The following ZWILCH variants were observed in gnomAD, a reference collection of about 807,000 sequenced individuals.
ZWILCH encodes zwilch kinetochore protein, also known as protein zwilch homolog.
Under a neutral mutation model 79.9 loss-of-function variants are expected in ZWILCH, and 74 were observed. That is an observed-to-expected ratio of 0.93 (90% CI 0.77 to 1.12). ZWILCH has a LOEUF of 1.12. Among genes scored for constraint, ZWILCH ranks in the 50% most tolerant of loss-of-function variants. ZWILCH has a pLI of 0.00. For missense variants in ZWILCH, 694 were observed against 687.5 expected (o/e 1.01, Z -0.11); for synonymous variants, 241 against 228.2 (o/e 1.06, Z -0.51).
Position 66,546,627 on chromosome 15 carries a change from A to C in ZWILCH, c.1724A>C (p.Glu575Ala), listed in dbSNP as rs1216359366. The change falls in exon 18 of 19, where the codon GAA becomes GCA. Residue 575 changes from glutamate to alanine, a missense_variant. Transcript: ENST00000307897. The part of the protein sequence containing the change: ...SELTLNGSLE[E>A]RIFFTNMVTC... ...TTAACACTAAACGGTAGCCTGGAAG[A>C]AAGGATATTCTTTACTAACATGGTT... 6.2e-7 allele frequency: 1 copy of C among 1,609,572 alleles called. No individual in the cohort carries two copies. Among genetic ancestry groups the C allele is most frequent in the Non-Finnish European group, 8.5e-7 (1 of 1,178,090 alleles).
At position 66,515,647 on chromosome 15, in the gene ZWILCH, A is replaced by G. The variant is rs371133457; in HGVS notation, c.320+3A>G. 4.4e-6 allele frequency: 7 copies of G among 1,600,236 alleles called. No individual in the cohort carries two copies. The highest frequency in any genetic ancestry group is 6.0e-6 in the Non-Finnish European group (7 of 1,168,142). ...GCTTTACCAGTTGGGAAGGCAAGGT[A>G]GGTTTTCTCTTATGCTGAGTAGGGG... On this transcript the variant is annotated splice_donor_region_variant and intron_variant, in intron 4 of 18. Transcript: ENST00000307897.
chr15:66,522,482 T>C (rs932961842), intron 7 of ZWILCH, among the ~76,000 whole-genome samples: 3 of 151,308 alleles, frequency 2.0e-5, no homozygotes, highest in Non-Finnish European at 4.4e-5. Context: ...GGACTACAGG[T>C]GCATGCCACC....
intron 4 of ZWILCH, among the ~76,000 whole-genome samples, chr15:66,516,320 T>G (rs1016029407): frequency 1.3e-5 from 2 of 152,188 alleles, no homozygotes; most frequent in Admixed American, 1.3e-4. Flanking sequence ...TGTGTAGCTA[T>G]GTACAGTTCC....
At chr15:66,537,544 A>G (rs1165725578) in intron 16 of ZWILCH, among the ~76,000 whole-genome samples, 1 of 151,996 alleles carries the variant, frequency 6.6e-6, no homozygotes, top group African/African-American at 2.4e-5. Context: ...TACAAAAATT[A>G]GCTGGGCATG....
At chr15:66,508,239 A>C (rs1281048120) in intron 1 of ZWILCH, among the ~76,000 whole-genome samples, 2 of 152,208 alleles carry the variant, frequency 1.3e-5, no homozygotes, top group African/African-American at 4.8e-5. Context: ...TAGATTCACT[A>C]TTTTAAAACT....
intron 11 of ZWILCH, 116 bp downstream of exon 11, chr15:66,529,073 TTATC>T (rs1416046042): frequency 8.1e-6 from 6 of 744,088 alleles, no homozygotes; most frequent in African/African-American, 7.0e-5. Flanking sequence ...GTTCTTAACT[TTATC>T]TAATTCATTT....
At chr15:66,528,724 G>A (rs1489561370) in intron 10 of ZWILCH, 128 bp from the exon 11 acceptor site, 4 of 674,000 alleles carry the variant, frequency 5.9e-6, no homozygotes, top group Non-Finnish European at 7.5e-6. Flanking sequence ...GAATGAAGTT[G>A]TAGAAAATTC....
chr15:66,532,308 T>C lies in ZWILCH; in HGVS notation c.1217T>C (p.Met406Thr), dbSNP rs182841691. ...ATTCATCAGTCTTATCATGGAACCA[T>C]GGACACAGTTTCTCTCAGTGGGACT... ...KLIHQSYHGTMDTVSLSGTIP... is the reference protein window; with the variant it reads ...KLIHQSYHGTTDTVSLSGTIP... The change falls in exon 13 of 19, where the codon ATG becomes ACG. Residue 406 changes from methionine (M) to threonine (T), a missense_variant. Transcript: ENST00000307897. 5.6e-5 allele frequency: 91 copies of C among 1,612,834 alleles called. 1 individual carries two copies. The highest frequency in any genetic ancestry group is 7.0e-5 in the Non-Finnish European group (83 of 1,179,464).
In ZWILCH at chr15:66,537,708, A is replaced by G. The variant is rs142672384; in HGVS notation, c.1574+445A>G. 2.9e-4 allele frequency among the ~76,000 whole-genome samples: 44 copies of G among 151,856 alleles called. 1 individual carries two copies. The East Asian group carries it at 8.3e-3, about 29-fold the overall frequency. On this transcript the variant is annotated intron_variant, in intron 16 of 18. Transcript: ENST00000307897. The stretch of plus-strand genomic sequence containing the variant: ...CTCCGTCTCAAAAAATAATAATAAT[A>G]ATGATAATAAATAAGCATTTTAATT...
intron 4 of ZWILCH, among the ~76,000 whole-genome samples, chr15:66,518,640 C>G (rs1405809061): frequency 6.6e-6 from 1 of 152,198 alleles, no homozygotes; most frequent in East Asian, 1.9e-4. Context: ...CTGCAAGACT[C>G]TGTCTCTACA....
rs185180733 is a variant in ZWILCH at position 66,529,393 on chromosome 15, A to G, written c.1076-101A>G. ...CCCTTTCCCCTGCTTGCAAAGTACA[A>G]ATTCTTGCTTTCTACTTCATTTGTG... On this transcript the variant is annotated intron_variant, in intron 11 of 18. Coordinates refer to ENST00000307897, the MANE Select transcript of ZWILCH (RefSeq NM_017975.5). The G allele has an allele frequency of 1.4e-4, 93 of 686,484 alleles. No individual in the cohort carries two copies. In the East Asian group the frequency reaches 2.6e-3, roughly 19 times the overall value. The allele number at this position is 686,484 out of a possible 1,614,324, so 42.5% of individuals were successfully genotyped here.
chr15:66,522,954 C>G (rs1404872383), intron 7 of ZWILCH, among the ~76,000 whole-genome samples: 1 of 152,086 alleles, frequency 6.6e-6, no homozygotes, highest in African/African-American at 2.4e-5. Flanking sequence ...TCCTGAATAG[C>G]TGGGATTACA....
chr15:66,545,576 A>G (rs1895343746), intron 17 of ZWILCH, among the ~76,000 whole-genome samples: 1 of 152,212 alleles, frequency 6.6e-6, no homozygotes, highest in Non-Finnish European at 1.5e-5. Context: ...GACTCCTTTT[A>G]TGAAAATAAG....
chr15:66,527,918 T>G lies in ZWILCH; in HGVS notation c.969+6T>G, dbSNP rs1894730716. 1 of 1,597,092 alleles carries G rather than the reference T, an allele frequency of 6.3e-7. No individual in the cohort carries two copies. The highest frequency in any genetic ancestry group is 1.4e-5 in the African/African-American group (1 of 73,786). On this transcript the variant is annotated splice_donor_region_variant and intron_variant, in intron 10 of 18. Transcript: ENST00000307897. ...AAAAAGACACTGAGGTTGAGGTAAG[T>G]GATTATTATCAGTTAGAAATATACA...
intron 4 of ZWILCH, among the ~76,000 whole-genome samples, chr15:66,517,455 T>TATATATATATATATATAGAGAGAGAG (rs1180456312): frequency 1.1e-4 from 13 of 115,204 alleles, no homozygotes; most frequent in South Asian, 2.9e-4. Context: ...TATATATATA[T>TATATATATATATATATAGAGAGAGAG]AGTAATGTAC....
chr15:66,517,046 A>G (rs747857554), intron 4 of ZWILCH, among the ~76,000 whole-genome samples: 3 of 151,940 alleles, frequency 2.0e-5, no homozygotes, highest in Non-Finnish European at 2.9e-5. Context: ...TTTCCTGGAC[A>G]TCTGTTGGTA....
In ZWILCH at chr15:66,515,603, C is replaced by T. The variant is rs143266025; in HGVS notation, c.279C>T (p.Gly93=). 1.3e-5 allele frequency: 21 copies of T among 1,613,600 alleles called. No individual in the cohort carries two copies. The highest frequency in any genetic ancestry group is 3.3e-5 in the South Asian group (3 of 90,978). The change falls in exon 4 of 19, where the codon GGC becomes GGT. Residue 93 remains glycine (G), a synonymous_variant. Transcript: ENST00000307897. ...CTGCCATATCTGATTTCTCTACTGGCGAAAATGTTGGACCACTTGCTTTAC... is the reference window on the plus strand; with the variant it reads ...CTGCCATATCTGATTTCTCTACTGGTGAAAATGTTGGACCACTTGCTTTAC... ...EETAISDFST[G]ENVGPLALPV... is the part of the protein sequence containing the mutation.
intron 4 of ZWILCH, among the ~76,000 whole-genome samples, chr15:66,516,978 C>A (rs8027017): frequency 0.093 from 14,151 of 152,152 alleles, 647 homozygotes; most frequent in African/African-American, 0.11. Context: ...TTTCTTCTTG[C>A]ATTTTCCTTC....
chr15:66,520,714 C>T (rs570830957), intron 6 of ZWILCH, 54 bp downstream of exon 6: 3 of 1,202,898 alleles, frequency 2.5e-6, no homozygotes, highest in African/African-American at 1.5e-5. Context: ...GTCAACCTGC[C>T]TTCCTAGTTT....
Sources: gnomAD v4.1 joint callset for allele counts (sites outside exome capture counted in the v4.1 genomes callset) on GRCh38, gnomAD v4.1.1 for gene constraint, MANE v1.5 for transcripts, NCBI Gene and HGNC (gene_info 2026-07-23, HGNC 2026-07-21) for gene names.